Variants in JAM3 observed in about 807,000 individuals in gnomAD.
JAM3 encodes junctional adhesion molecule C.
In JAM3, 31 loss-of-function variants were observed where a neutral mutation model predicts 39.4. The observed-to-expected ratio is 0.79, with a 90% CI of 0.59 to 1.06. The LOEUF (loss-of-function observed/expected upper bound fraction) is 1.06, where lower values mean the gene tolerates loss of function less well. JAM3 is among the 50% of genes least tolerant of loss of function. The pLI is 0.00. For missense variants in JAM3, 455 were observed against 391.4 expected, an observed-to-expected ratio of 1.16 and a Z score of -1.37; for synonymous variants, 182 against 148.7, an observed-to-expected ratio of 1.22 and a Z score of -1.63.
At chr11:134,076,375 G>A (rs603009) in intron 1 of JAM3, among the ~76,000 whole-genome samples, 59,394 of 151,626 alleles carry the variant, frequency 0.39, 12,615 homozygotes, top group African/African-American at 0.57. Context: ...GGCTGGTCTC[G>A]AATTCCCGAC....
chr11:134,134,043 G>A (rs1942816030), intron 1 of JAM3, among the ~76,000 whole-genome samples: 1 of 152,052 alleles, frequency 6.6e-6, no homozygotes, highest in South Asian at 2.1e-4. Context: ...CAGATGGACA[G>A]TGCAAGCAGA....
chr11:134,104,489 G>A (rs574361814), intron 1 of JAM3, among the ~76,000 whole-genome samples: 1 of 152,016 alleles, frequency 6.6e-6, no homozygotes, highest in African/African-American at 2.4e-5. Context: ...CTAGCAGAAG[G>A]CAAGAAATAA....
intron 1 of JAM3, among the ~76,000 whole-genome samples, chr11:134,124,822 G>A (rs1942612680): frequency 6.6e-6 from 1 of 152,236 alleles, no homozygotes; most frequent in South Asian, 2.1e-4. Context: ...CAGCGAAAAC[G>A]CTGTGCTGAG....
At chr11:134,148,721 A>G in intron 7 of JAM3, 43 bp from the exon 8 acceptor site, 2 of 1,614,134 alleles carry the variant, frequency 1.2e-6, no homozygotes, top group Non-Finnish European at 1.7e-6. Flanking sequence ...AGCTGGCAAT[A>G]ATATAACAAC....
intron 3 of JAM3, 50 bp downstream of exon 3, chr11:134,140,820 C>A: frequency 6.3e-7 from 1 of 1,575,426 alleles, no homozygotes. Context: ...TGTCCATAGA[C>A]CTGGGTATAC....
intron 1 of JAM3, among the ~76,000 whole-genome samples, chr11:134,081,813 C>T (rs1941670173): frequency 6.6e-6 from 1 of 152,228 alleles, no homozygotes; most frequent in Admixed American, 6.5e-5. Flanking sequence ...CCACTGACAG[C>T]TTGCACTGTG....
At chr11:134,086,801 G>GT (rs1043348003) in intron 1 of JAM3, among the ~76,000 whole-genome samples, 9 of 151,674 alleles carry the variant, frequency 5.9e-5, no homozygotes, top group East Asian at 1.9e-4. Context: ...TGTGTGAGTG[G>GT]TTTTTTTTGT....
intron 1 of JAM3, among the ~76,000 whole-genome samples, chr11:134,087,219 G>A (rs574055297): frequency 1.2e-3 from 182 of 151,746 alleles, no homozygotes; most frequent in African/African-American, 3.5e-3. Flanking sequence ...ACACACACAC[G>A]CACACACACA....
chr11:134,082,846 T>G (rs1941689290), intron 1 of JAM3, among the ~76,000 whole-genome samples: 1 of 152,226 alleles, frequency 6.6e-6, no homozygotes, highest in Non-Finnish European at 1.5e-5. Context: ...GAAGCCTGCT[T>G]TAGGGCCAGG....
At chr11:134,106,641 A>G (rs1010350375) in intron 1 of JAM3, among the ~76,000 whole-genome samples, 25 of 152,338 alleles carry the variant, frequency 1.6e-4, no homozygotes, top group Non-Finnish European at 2.9e-4. Flanking sequence ...CAAATTTACA[A>G]GAAAAAAACC....
At chr11:134,133,777 A>G (rs1942811985) in intron 1 of JAM3, among the ~76,000 whole-genome samples, 1 of 152,096 alleles carries the variant, frequency 6.6e-6, no homozygotes, top group Admixed American at 6.5e-5. Context: ...TCCCCCCTAC[A>G]CACACACCTT....
chr11:134,135,766 GATAA>G (rs879609112), intron 1 of JAM3, among the ~76,000 whole-genome samples: 6 of 151,984 alleles, frequency 3.9e-5, no homozygotes, highest in South Asian at 2.1e-4. Flanking sequence ...TATAATAAGA[GATAA>G]ATAAAAGCTG....
At chr11:134,131,711 C>G (rs576801854) in intron 1 of JAM3, among the ~76,000 whole-genome samples, 6 of 152,146 alleles carry the variant, frequency 3.9e-5, no homozygotes, top group Admixed American at 3.9e-4. Flanking sequence ...ATCAGGCAAA[C>G]AGTCCCTGAA....
chr11:134,136,189 C>A (rs1226684915), intron 1 of JAM3, among the ~76,000 whole-genome samples: 2 of 152,134 alleles, frequency 1.3e-5, no homozygotes, highest in Non-Finnish European at 2.9e-5. Flanking sequence ...AGCAGTTTTC[C>A]TTTTTCCGCC....
At chr11:134,132,319 A>G (rs559565735) in intron 1 of JAM3, among the ~76,000 whole-genome samples, 1 of 152,344 alleles carries the variant, frequency 6.6e-6, no homozygotes, top group East Asian at 1.9e-4. Context: ...CAAATTCTAT[A>G]TCCAGCAAAA....
At chr11:134,148,022 T>TA (rs1395363491) in intron 6 of JAM3, 7 of 189,996 alleles carry the variant, frequency 3.7e-5, no homozygotes, top group Non-Finnish European at 1.1e-5. Flanking sequence ...TCAGAGGGCT[T>TA]ATAGATCGGA....
At chr11:134,142,619 G>GT (rs1357374871) in intron 3 of JAM3, among the ~76,000 whole-genome samples, 4 of 152,074 alleles carry the variant, frequency 2.6e-5, no homozygotes, top group Non-Finnish European at 5.9e-5. Context: ...TGTTTAAAAT[G>GT]TTTTTTTATG....
intron 1 of JAM3, among the ~76,000 whole-genome samples, chr11:134,073,187 C>G (rs1941511093): frequency 6.6e-6 from 1 of 152,158 alleles, no homozygotes; most frequent in African/African-American, 2.4e-5. Context: ...AGAAAGCTTC[C>G]TGAGAGTTAG....
At chr11:134,110,138 A>G (rs1228909151) in intron 1 of JAM3, among the ~76,000 whole-genome samples, 2 of 152,242 alleles carry the variant, frequency 1.3e-5, no homozygotes, top group Admixed American at 1.3e-4. Flanking sequence ...ATCTATCAGA[A>G]TGACAAAAAC....
Sources: gnomAD v4.1 joint callset for allele counts (sites outside exome capture counted in the v4.1 genomes callset) on GRCh38, gnomAD v4.1.1 for gene constraint, MANE v1.5 for transcripts, NCBI Gene and HGNC (gene_info 2026-07-23, HGNC 2026-07-21) for gene names.